Variants in NSD1 observed in about 807,000 individuals in gnomAD.
NSD1 encodes the protein nuclear receptor binding SET domain protein 1.
In NSD1, 26 loss-of-function variants were observed where a neutral mutation model predicts 242.7. The ratio of observed to expected loss-of-function variants is 0.11; its 90% CI spans 0.08 to 0.15. NSD1 has a LOEUF of 0.15. Among genes scored for constraint, NSD1 ranks in the 10% least tolerant of loss-of-function variants. The pLI, the probability that NSD1 is intolerant of heterozygous loss-of-function variation, is 1.00. For synonymous variants in NSD1, 1,106 were observed against 1,178.1 expected (o/e 0.94, Z 1.25); for missense variants, 2,495 against 3,272.8 (o/e 0.76, Z 5.80).
At position 177,300,064 on chromosome 5, in the gene NSD1, C is replaced by CA; in HGVS notation, c.*4605_*4606insA. 1 of 192,094 alleles carries CA rather than the reference C, an allele frequency of 5.2e-6. No individual in the cohort carries two copies. Among genetic ancestry groups the CA allele is most frequent in the African/African-American group, 2.5e-5 (1 of 40,442 alleles). The allele number at this position is 192,094 out of a possible 1,614,324, so 11.9% of individuals were successfully genotyped here. On this transcript the variant is annotated 3_prime_UTR_variant, in exon 23 of 23. Transcript: ENST00000439151. ...TCATTGCTTTTTTGCCGCGCCCCCCCCCCCCCGCCCCCATAGATTGTCAGC... is the reference window on the plus strand; with the variant it reads ...TCATTGCTTTTTTGCCGCGCCCCCCCACCCCCCGCCCCCATAGATTGTCAGC...
chr5:177,138,380 C>T (rs548301196), intron 2 of NSD1, among the ~76,000 whole-genome samples: 2 of 151,716 alleles, frequency 1.3e-5, no homozygotes, highest in East Asian at 2.0e-4. Flanking sequence ...CTCAGCCTCC[C>T]GAGTAGCTGG....
At chr5:177,260,910 T>C (rs1178979487) in intron 14 of NSD1, among the ~76,000 whole-genome samples, 3 of 152,146 alleles carry the variant, frequency 2.0e-5, no homozygotes, top group Non-Finnish European at 4.4e-5. Flanking sequence ...CATGTAATTG[T>C]GTTTTGTTAA....
chr5:177,280,432 A>G (rs1489997501), intron 17 of NSD1, 133 bp from the exon 18 acceptor site: 2 of 973,628 alleles, frequency 2.1e-6, no homozygotes, highest in Non-Finnish European at 1.6e-6. Context: ...TTTTATATGA[A>G]ACTAAGTGTT....
At chr5:177,244,064 G>C (rs577184288) in intron 8 of NSD1, 131 bp from the exon 9 acceptor site, 1 of 723,048 alleles carries the variant, frequency 1.4e-6, no homozygotes, top group Non-Finnish European at 2.4e-6. Flanking sequence ...TGGTCAGGTT[G>C]ATTTCTTTAA....
chr5:177,215,868 A>G (rs995075447), intron 5 of NSD1, among the ~76,000 whole-genome samples: 26 of 152,102 alleles, frequency 1.7e-4, no homozygotes, highest in African/African-American at 6.0e-4. Context: ...GTCCATATAC[A>G]TATGTTTTTA....
intron 5 of NSD1, among the ~76,000 whole-genome samples, chr5:177,230,340 G>A (rs1311544789): frequency 6.6e-6 from 1 of 152,052 alleles, no homozygotes; most frequent in Non-Finnish European, 1.5e-5. Flanking sequence ...GGTTTTATGA[G>A]CCATAAGTTC....
intron 3 of NSD1, among the ~76,000 whole-genome samples, chr5:177,203,650 A>T (rs949462966): frequency 6.6e-6 from 1 of 152,108 alleles, no homozygotes; most frequent in Non-Finnish European, 1.5e-5. Flanking sequence ...ATGTTAACAG[A>T]TCATACATGT....
intron 2 of NSD1, chr5:177,136,362 C>T: frequency 4.4e-6 from 1 of 228,356 alleles, no homozygotes; most frequent in Non-Finnish European, 8.7e-6. Context: ...TTTTGGCCTG[C>T]CAGCACCATG....
intron 14 of NSD1, chr5:177,266,246 A>G (rs961801024): frequency 6.3e-5 from 50 of 790,196 alleles, no homozygotes; most frequent in Non-Finnish European, 8.7e-5. Context: ...CGGGAGCTCT[A>G]TCTCCTCCAC....
chr5:177,175,634 A>C (rs1305729267), intron 2 of NSD1, among the ~76,000 whole-genome samples: 6 of 152,160 alleles, frequency 3.9e-5, no homozygotes, highest in Admixed American at 1.3e-4. Context: ...GCCTTAAAAA[A>C]AATAAAGTAT....
chr5:177,178,938 G>T (rs1760433658), intron 2 of NSD1, among the ~76,000 whole-genome samples: 1 of 152,168 alleles, frequency 6.6e-6, no homozygotes, highest in African/African-American at 2.4e-5. Context: ...TGCACAAGGG[G>T]ATCCAGAGCC....
At chr5:177,182,161 A>AG (rs1210172958) in intron 2 of NSD1, among the ~76,000 whole-genome samples, 1 of 151,998 alleles carries the variant, frequency 6.6e-6, no homozygotes, top group Non-Finnish European at 1.5e-5. Context: ...CAAAAAAAAA[A>AG]AAAAAATTAG....
intron 3 of NSD1, among the ~76,000 whole-genome samples, chr5:177,201,561 A>C (rs1028012343): frequency 7.6e-6 from 1 of 130,972 alleles, no homozygotes; most frequent in South Asian, 2.4e-4. Flanking sequence ...TTAACTGTTT[A>C]CTTTTTTTTT....
upstream of NSD1, chr5:177,133,527 C>T (rs1276557897): frequency 1.3e-5 from 2 of 151,314 alleles, no homozygotes; most frequent in Non-Finnish European, 3.0e-5. The surrounding 1 kb of genome is among the most constrained non-coding windows in gnomAD (Gnocchi z 6.2). Context: ...CCCGTAGGCC[C>T]CGGCCGCGAG....
chr5:177,192,156 G>A, intron 3 of NSD1, 137 bp downstream of exon 3: 1 of 790,984 alleles, frequency 1.3e-6, no homozygotes, highest in Non-Finnish European at 1.9e-6. Flanking sequence ...TATCTTTTGG[G>A]GCTTTTAAAA....
At chr5:177,159,301 T>G (rs1384434492) in intron 2 of NSD1, among the ~76,000 whole-genome samples, 1 of 151,720 alleles carries the variant, frequency 6.6e-6, no homozygotes, top group East Asian at 1.9e-4. Context: ...TTGTTTGTTT[T>G]TGAGACACAG....
intron 3 of NSD1, 138 bp from the exon 4 acceptor site, chr5:177,203,982 A>G: frequency 2.4e-6 from 2 of 839,504 alleles, no homozygotes; most frequent in Non-Finnish European, 4.1e-6. Context: ...TGTATGATCT[A>G]TTCTAGGTTG....
At chr5:177,270,918 A>G (rs1757896420) in intron 16 of NSD1, among the ~76,000 whole-genome samples, 1 of 152,200 alleles carries the variant, frequency 6.6e-6, no homozygotes, top group South Asian at 2.1e-4. Context: ...AATACATAGT[A>G]CTGTGCTGTT....
chr5:177,178,418 G>A (rs1014339951), intron 2 of NSD1, among the ~76,000 whole-genome samples: 3 of 152,038 alleles, frequency 2.0e-5, no homozygotes, highest in Non-Finnish European at 4.4e-5. Context: ...TAGAGATGGG[G>A]TTTCTCCATG....
Sources: gnomAD v4.1 joint callset for allele counts (sites outside exome capture counted in the v4.1 genomes callset) on GRCh38, gnomAD v4.1.1 for gene constraint, Gnocchi (gnomAD v3.1) non-coding constraint, MANE v1.5 for transcripts, NCBI Gene and HGNC (gene_info 2026-07-23, HGNC 2026-07-21) for gene names.